Variants in SH3D21 observed in about 807,000 individuals in gnomAD.
The protein encoded by SH3D21 is SH3 domain-containing protein 21.
SH3D21 carries 83 observed loss-of-function variants against 82.1 expected under a neutral mutation model. The observed-to-expected ratio is 1.01, with a 90% CI of 0.85 to 1.21. The LOEUF is 1.21. Among genes scored for constraint, SH3D21 ranks in the 50% most tolerant of loss-of-function variants. SH3D21 has a pLI of 0.00. For synonymous variants in SH3D21, 383 were observed against 387.8 expected, an observed-to-expected ratio of 0.99 and a Z score of 0.15; for missense variants, 980 against 962.1, an observed-to-expected ratio of 1.02 and a Z score of -0.25.
chr1:36,324,493 C>G (rs1052173997), downstream of SH3D21: 1 of 152,334 alleles, frequency 6.6e-6, no homozygotes, highest in African/African-American at 2.4e-5. Context: ...CCCTCCCTTG[C>G]TGGAGCTAGA....
At chr1:36,327,869 C>A (rs1224265531), downstream of SH3D21, 6 of 1,289,862 alleles carry the variant, frequency 4.7e-6, no homozygotes, top group Non-Finnish European at 6.1e-6. Flanking sequence ...GCCCTCCCCA[C>A]CCCCTGCCTA....
intron 10 of SH3D21, among the ~76,000 whole-genome samples, chr1:36,316,689 A>T (rs1381932987): frequency 6.6e-6 from 1 of 151,144 alleles, no homozygotes; most frequent in African/African-American, 2.4e-5. Context: ...GCTTCACATC[A>T]CAGGGCCCAG....
At position 36,308,090 on chromosome 1, in the gene SH3D21, T is replaced by A. The variant is rs1480745540; in HGVS notation, c.539-19T>A. ...GGGGAGGCTTGGCTTCAGAGGACAG[T>A]GGACTGACCTCTTCCCAGTCTCCCA... On this transcript the variant is annotated intron_variant, in intron 7 of 15. Transcript: ENST00000453908. 2 of 1,544,552 alleles carry A rather than the reference T, an allele frequency of 1.3e-6. No homozygotes were observed. The highest frequency in any genetic ancestry group is 2.7e-5 in the African/African-American group (2 of 72,844).
At position 36,320,009 on chromosome 1, in the gene SH3D21, G is replaced by C; in HGVS notation, c.1346G>C (p.Arg449Thr). 1 of 1,614,102 alleles carries C rather than the reference G, an allele frequency of 6.2e-7. No individual in the cohort carries two copies. The highest frequency in any genetic ancestry group is 1.1e-5 in the South Asian group (1 of 91,080). Reference sequence around the variant, plus strand: ...GTGGACAAACCCTCCACTCCAGAGAGGGTCTTTTCAGTGGAAGAGTCCCCT... The same window carrying C: ...GTGGACAAACCCTCCACTCCAGAGACGGTCTTTTCAGTGGAAGAGTCCCCT... ...LTVDKPSTPE[R>T]VFSVEESPAL... Residue 449 changes from arginine to threonine, a missense_variant, in exon 14 of 16, where the codon AGG (arginine) becomes ACG (threonine). By Grantham distance (71) the Arg-to-Thr change is moderately conservative. Coordinates refer to ENST00000453908, the MANE Select transcript of SH3D21 (RefSeq NM_001162530.2).
At chr1:36,323,105 G>A, downstream of SH3D21, 15 of 1,542,714 alleles carry the variant, frequency 9.7e-6, no homozygotes, top group Non-Finnish European at 1.3e-5. Flanking sequence ...CTCCCAGCCT[G>A]GAGCCCACCC....
chr1:36,310,670 G>A (rs1171296315), intron 10 of SH3D21, among the ~76,000 whole-genome samples: 1 of 151,418 alleles, frequency 6.6e-6, no homozygotes, highest in Non-Finnish European at 1.5e-5. Context: ...CTAAACCTAA[G>A]GACTAGAACA....
chr1:36,328,289 G>A (rs1646564248), downstream of SH3D21: 1 of 379,090 alleles, frequency 2.6e-6, no homozygotes, highest in African/African-American at 2.1e-5. Flanking sequence ...CCCGGCCCCA[G>A]TGGCCAAACT....
chr1:36,319,068 C>T lies in SH3D21; in HGVS notation c.770-3C>T. The T allele has an allele frequency of 6.5e-7, 1 of 1,528,682 alleles. No homozygotes were observed. Among genetic ancestry groups the T allele is most frequent in the Non-Finnish European group, 8.9e-7 (1 of 1,126,126 alleles). The allele number at this position is 1,528,682 out of a possible 1,614,324, so 94.7% of individuals were successfully genotyped here. On this transcript the variant is annotated splice_polypyrimidine_tract_variant and splice_region_variant and intron_variant, in intron 10 of 15. Coordinates refer to ENST00000453908, the MANE Select transcript of SH3D21 (RefSeq NM_001162530.2). ...GATGAGTGCTCCACTCCTCTCTTCC[C>T]AGCTCCTATTAAGGAACCAAAAAAG...
At position 36,317,586 on chromosome 1, in the gene SH3D21, G is replaced by A. The variant is rs1646365913; in HGVS notation, c.770-1485G>A. Among the ~76,000 whole-genome samples, 4 of 152,112 alleles carry A rather than the reference G, an allele frequency of 2.6e-5. No homozygotes were observed. In the South Asian group the frequency reaches 8.3e-4, roughly 32 times the overall value. On this transcript the variant is annotated intron_variant, in intron 10 of 15. Transcript: ENST00000453908. ...TTTTTTGTTTTGTTTTTTTGAGACG[G>A]AGTTTAACTCTTGTCGCCCAGGCTG...
chr1:36,320,503 G>A lies in SH3D21; in HGVS notation c.1840G>A (p.Glu614Lys). Reference sequence around the variant, plus strand: ...CCCCAACGAGCAGAGGCCTCTGAGAGAGGAGGTGCTCCCCAAAGAGGGAGT... The same window carrying A: ...CCCCAACGAGCAGAGGCCTCTGAGAAAGGAGGTGCTCCCCAAAGAGGGAGT... ...APPNEQRPLR[E>K]EVLPKEGVAS... The change falls in exon 14 of 16, where the codon GAG becomes AAG. Residue 614 changes from glutamate (E) to lysine (K), a missense_variant. Physicochemically the swap from Glu to Lys is moderately conservative, Grantham distance 56 (BLOSUM62 1). Coordinates refer to ENST00000453908, the MANE Select transcript of SH3D21 (RefSeq NM_001162530.2). 1.2e-6 allele frequency: 2 copies of A among 1,614,146 alleles called. No homozygotes were observed. The highest frequency in any genetic ancestry group is 1.7e-6 in the Non-Finnish European group (2 of 1,180,016).
At chr1:36,323,060 C>G (rs756195604), downstream of SH3D21, 21 of 1,595,458 alleles carry the variant, frequency 1.3e-5, no homozygotes, top group Non-Finnish European at 1.8e-5. Context: ...GGCAGCTCCC[C>G]TACCAGCCTG....
At chr1:36,322,519 C>A, downstream of SH3D21, 1 of 1,600,842 alleles carries the variant, frequency 6.2e-7, no homozygotes, top group Non-Finnish European at 8.5e-7. Context: ...AGCGTGTCGT[C>A]GGGGCCCAGC....
chr1:36,307,238 G>A lies in SH3D21; in HGVS notation c.298G>A (p.Asp100Asn). ...CTTCAGCTACAGCCCAGAGCAGGCG[G>A]ACGAGCTGAAGCTGCAAGCTGGGGA... ...VNFSYSPEQA[D>N]ELKLQAGEIV... Residue 100 changes from aspartate (D) to asparagine (N), a missense_variant, in exon 4 of 16, where the codon GAC (aspartate) becomes AAC (asparagine). Coordinates refer to ENST00000453908, the MANE Select transcript of SH3D21 (RefSeq NM_001162530.2). The surrounding 1 kb of genome is among the most constrained non-coding windows in gnomAD (Gnocchi z 5.4). 1 of 1,551,836 alleles carries A rather than the reference G, an allele frequency of 6.4e-7. No homozygotes were observed. The highest frequency in any genetic ancestry group is 8.7e-7 in the Non-Finnish European group (1 of 1,147,026).
rs112271393 is a variant in SH3D21 at position 36,308,328 on chromosome 1, G to A, written c.640-61G>A. ...AAATTATATCCATAAGAAGGAGTGG[G>A]ACCCCGGAAAGGACCTTGGGGGACC... On this transcript the variant is annotated intron_variant, in intron 8 of 15. Transcript: ENST00000453908. The A allele has an allele frequency of 3.4e-3, 5,085 of 1,509,288 alleles. 13 individuals are homozygous for A. Among genetic ancestry groups the A allele is most frequent in the Non-Finnish European group, 4.2e-3 (4,614 of 1,109,344 alleles). 93.5% of individuals were successfully genotyped at this position (1,509,288 alleles called of 1,614,324 possible).
chr1:36,320,696 A>C lies in SH3D21; in HGVS notation c.2033A>C (p.Gln678Pro). ...CTCGCGCTCCCCTCGCTGGTCCCGC[A>C]AAACTACACGGAAAACAAGAATGAA... is the stretch of plus-strand genomic sequence containing the variant. ...ETLALPSLVP[Q>P]NYTENKNEGV... is the part of the protein sequence containing the mutation. Residue 678 changes from glutamine to proline, a missense_variant, in exon 14 of 16, where the codon CAA becomes CCA. Gln to Pro is a moderately conservative substitution (Grantham distance 76, BLOSUM62 -1). Coordinates refer to ENST00000453908, the MANE Select transcript of SH3D21 (RefSeq NM_001162530.2). The C allele has an allele frequency of 6.2e-7, 1 of 1,614,156 alleles. No individual in the cohort carries two copies. Among genetic ancestry groups the C allele is most frequent in the Non-Finnish European group, 8.5e-7 (1 of 1,180,012 alleles).
chr1:36,328,150 T>A (rs1164108095), downstream of SH3D21: 1 of 456,800 alleles, frequency 2.2e-6, no homozygotes, highest in Non-Finnish European at 4.4e-6. Context: ...AGAGTACTGC[T>A]AAGATGAAAC....
chr1:36,328,328 G>A, downstream of SH3D21: 1 of 368,312 alleles, frequency 2.7e-6, no homozygotes, highest in East Asian at 7.3e-5. Context: ...TTCTGCCGTT[G>A]ACATGGGCCT....
At chr1:36,308,647 G>A (rs1646179075) in intron 9 of SH3D21, among the ~76,000 whole-genome samples, 172 bp downstream of exon 9, 1 of 152,164 alleles carries the variant, frequency 6.6e-6, no homozygotes, top group African/African-American at 2.4e-5. Flanking sequence ...TATCCAAAAG[G>A]CTTGGGACCA....
chr1:36,309,497 T>G, intron 9 of SH3D21, 51 bp from the exon 10 acceptor site: 6 of 1,548,832 alleles, frequency 3.9e-6, no homozygotes. Context: ...GCATTTTGGA[T>G]TTCTGATTTT....
Sources: gnomAD v4.1 joint callset for allele counts (sites outside exome capture counted in the v4.1 genomes callset) on GRCh38, gnomAD v4.1.1 for gene constraint, Gnocchi (gnomAD v3.1) non-coding constraint, MANE v1.5 for transcripts, NCBI Gene and HGNC (gene_info 2026-07-23, HGNC 2026-07-21) for gene names.